The following PRIM2 variants were observed in gnomAD, a reference collection of about 807,000 sequenced individuals.
PRIM2 encodes DNA primase large subunit.
Under a neutral mutation model 67.3 loss-of-function variants are expected in PRIM2, and 39 were observed. That is an observed-to-expected ratio of 0.58 (90% CI 0.45 to 0.76). The LOEUF is 0.76. Among genes scored for constraint, PRIM2 ranks in the 30% least tolerant of loss-of-function variants. The pLI, the probability that PRIM2 is intolerant of heterozygous loss-of-function variation, is 0.00. For synonymous variants in PRIM2, 143 were observed against 198.7 expected, an observed-to-expected ratio of 0.72 and a Z score of 2.36; for missense variants, 398 against 598.7, an observed-to-expected ratio of 0.66 and a Z score of 3.50.
chr6:57,621,885 C>G (rs1776862568), intron 12 of PRIM2, among the ~76,000 whole-genome samples: 1 of 152,114 alleles, frequency 6.6e-6, no homozygotes, highest in South Asian at 2.1e-4. Flanking sequence ...CAACAGACTC[C>G]CTCAGCATTT....
At chr6:57,568,544 A>G (rs1775793858) in intron 10 of PRIM2, among the ~76,000 whole-genome samples, 1 of 152,240 alleles carries the variant, frequency 6.6e-6, no homozygotes, top group Non-Finnish European at 1.5e-5. Context: ...GTATTTGAGA[A>G]TGAAACACCA....
chr6:57,442,949 G>T (rs1772247593), intron 7 of PRIM2, among the ~76,000 whole-genome samples: 2 of 151,976 alleles, frequency 1.3e-5, no homozygotes, highest in African/African-American at 4.8e-5. Context: ...CACTCCCCCA[G>T]CCTCTGTAAC....
the PRIM2 span, among the ~76,000 whole-genome samples, chr6:57,261,654 C>G: frequency 6.6e-6 from 1 of 152,154 alleles, no homozygotes; most frequent in Non-Finnish European, 1.5e-5. Flanking sequence ...ACTTATTGCC[C>G]CAGGCTCCCT....
chr6:57,450,140 A>C (rs1482160910), intron 7 of PRIM2, among the ~76,000 whole-genome samples: 2 of 152,330 alleles, frequency 1.3e-5, no homozygotes, highest in East Asian at 3.9e-4. Flanking sequence ...TTAAATACCA[A>C]AACAAGATTT....
chr6:57,318,729 A>G, intron 2 of PRIM2, 130 bp downstream of exon 2: 1 of 741,056 alleles, frequency 1.3e-6, no homozygotes, highest in East Asian at 2.7e-5. Context: ...GGTAATTCAT[A>G]TCCTTCATTC....
chr6:57,393,376 TA>T (rs1483850676), intron 7 of PRIM2, among the ~76,000 whole-genome samples: 59 of 152,336 alleles, frequency 3.9e-4, no homozygotes, highest in African/African-American at 1.4e-3. Flanking sequence ...TATTGCAATG[TA>T]GTTTTAATTT....
At chr6:57,270,181 G>C in the PRIM2 span, among the ~76,000 whole-genome samples, 1 of 151,984 alleles carries the variant, frequency 6.6e-6, no homozygotes, top group South Asian at 2.1e-4. Flanking sequence ...GTCATTGGTA[G>C]CTTGATGGGG....
chr6:57,562,358 C>T (rs2127478555), intron 10 of PRIM2, among the ~76,000 whole-genome samples: 1 of 152,208 alleles, frequency 6.6e-6, no homozygotes, highest in South Asian at 2.1e-4. Context: ...ATCTATGAAG[C>T]ACAATGAAAT....
intron 8 of PRIM2, among the ~76,000 whole-genome samples, chr6:57,531,722 C>T (rs1400163707): frequency 6.6e-6 from 1 of 152,158 alleles, no homozygotes; most frequent in Non-Finnish European, 1.5e-5. Context: ...GTTCCCACTG[C>T]ACTGCTGACT....
At chr6:57,253,357 T>C in the PRIM2 span, among the ~76,000 whole-genome samples, 1 of 152,326 alleles carries the variant, frequency 6.6e-6, no homozygotes, top group East Asian at 1.9e-4. Context: ...TGCAAGACTA[T>C]AAACTATGGT....
the PRIM2 span, among the ~76,000 whole-genome samples, chr6:57,272,071 G>A: frequency 6.6e-6 from 1 of 152,178 alleles, no homozygotes; most frequent in South Asian, 2.1e-4. Flanking sequence ...TTTGGAATAG[G>A]TGTGGTGTGG....
At chr6:57,376,879 T>A (rs1769781661) in intron 5 of PRIM2, among the ~76,000 whole-genome samples, 1 of 152,172 alleles carries the variant, frequency 6.6e-6, no homozygotes, top group South Asian at 2.1e-4. Flanking sequence ...TTAGTTTTTC[T>A]ATATTTTTTA....
At chr6:57,605,319 C>T (rs1455797358) in intron 11 of PRIM2, among the ~76,000 whole-genome samples, 1 of 152,158 alleles carries the variant, frequency 6.6e-6, no homozygotes, top group Admixed American at 6.5e-5. Flanking sequence ...CCCCCCTCCT[C>T]AGTTTTTTGG....
chr6:57,526,737 T>G (rs1271689972), intron 8 of PRIM2, among the ~76,000 whole-genome samples: 2 of 152,144 alleles, frequency 1.3e-5, no homozygotes, highest in African/African-American at 4.8e-5. Context: ...AAGCTGTGAG[T>G]ATTTTAAATG....
the PRIM2 span, among the ~76,000 whole-genome samples, chr6:57,279,174 T>G: frequency 6.6e-6 from 1 of 152,208 alleles, no homozygotes; most frequent in South Asian, 2.1e-4. Flanking sequence ...AAAATCATGT[T>G]TCCGAGTCCT....
chr6:57,505,496 C>T (rs1203349243), intron 7 of PRIM2, among the ~76,000 whole-genome samples: 1 of 152,062 alleles, frequency 6.6e-6, no homozygotes, highest in African/African-American at 2.4e-5. Context: ...TTCAGTAATG[C>T]CACCTAAAAG....
At chr6:57,259,912 C>G in the PRIM2 span, among the ~76,000 whole-genome samples, 1 of 152,204 alleles carries the variant, frequency 6.6e-6, no homozygotes, top group East Asian at 1.9e-4. Flanking sequence ...AGTCTGACCT[C>G]TTGCCTCAAT....
Position 57,619,312 on chromosome 6 carries a change from G to A in PRIM2, c.1231-12821G>A, listed in dbSNP as rs1223006644. On this transcript the variant is annotated intron_variant, in intron 12 of 13. Transcript: ENST00000615550. ...TCCCTCTGACAGAGCCTACCCAAAC[G>A]TGATGGAACCAGAAAACCACCCCTG... Among the ~76,000 whole-genome samples the A allele has an allele frequency of 2.1e-4, 32 of 152,216 alleles. No individual in the cohort carries two copies. The South Asian group carries it at 5.6e-3, about 27-fold the overall frequency.
At chr6:57,541,473 A>C (rs1775152101) in intron 10 of PRIM2, among the ~76,000 whole-genome samples, 1 of 152,186 alleles carries the variant, frequency 6.6e-6, no homozygotes, top group Admixed American at 6.5e-5. Flanking sequence ...GAATATATGT[A>C]ATATTCAAAA....
Sources: allele counts gnomAD v4.1 joint callset (sites outside exome capture counted in the v4.1 genomes callset), GRCh38; gene constraint gnomAD v4.1.1; transcripts MANE v1.5; gene names NCBI Gene and HGNC (gene_info 2026-07-23, HGNC 2026-07-21).